Variants in ASTN2 observed in about 807,000 individuals in gnomAD.
ASTN2 encodes astrotactin 2, also known as astrotactin-2.
ASTN2 carries 54 observed loss-of-function variants against 139.8 expected under a neutral mutation model. The ratio of observed to expected loss-of-function variants is 0.39; its 90% CI spans 0.31 to 0.48. The LOEUF is 0.48. Among genes scored for constraint, ASTN2 ranks in the 20% least tolerant of loss-of-function variants. ASTN2 has a pLI of 0.95. For synonymous variants in ASTN2, 756 were observed against 719.5 expected (o/e 1.05, Z -0.81); for missense variants, 1,565 against 1,725.1 (o/e 0.91, Z 1.64).
chr9:116,502,450 A>G (rs1401958978), intron 19 of ASTN2, among the ~76,000 whole-genome samples: 1 of 152,004 alleles, frequency 6.6e-6, no homozygotes, highest in Non-Finnish European at 1.5e-5. Flanking sequence ...GGAGAGAGAA[A>G]GAGAGAGACA....
chr9:116,937,211 A>G (rs1158016835), intron 10 of ASTN2, among the ~76,000 whole-genome samples: 5 of 152,128 alleles, frequency 3.3e-5, no homozygotes, highest in African/African-American at 4.8e-5. Flanking sequence ...TGCCTTCAGG[A>G]GAAAGACAGG....
At chr9:116,629,193 C>A (rs1856612019) in intron 17 of ASTN2, among the ~76,000 whole-genome samples, 2 of 146,928 alleles carry the variant, frequency 1.4e-5, no homozygotes, top group Non-Finnish European at 3.0e-5. Flanking sequence ...TCTCAGCTCA[C>A]TGCAAACTCC....
intron 19 of ASTN2, among the ~76,000 whole-genome samples, chr9:116,500,338 G>T (rs534028548): frequency 2.8e-4 from 43 of 152,214 alleles, no homozygotes; most frequent in Non-Finnish European, 5.1e-4. Context: ...TTTAGGGGAA[G>T]GTGAATCTCC....
intron 19 of ASTN2, among the ~76,000 whole-genome samples, chr9:116,492,085 CTTT>C (rs796673453): frequency 7.0e-6 from 1 of 143,154 alleles, no homozygotes; most frequent in Non-Finnish European, 1.5e-5. Flanking sequence ...GTTTTTCTCT[CTTT>C]TTTTTTTTTT....
intron 20 of ASTN2, among the ~76,000 whole-genome samples, chr9:116,460,365 C>T (rs1848449772): frequency 6.6e-6 from 1 of 152,038 alleles, no homozygotes; most frequent in Non-Finnish European, 1.5e-5. Flanking sequence ...AACATAAAAT[C>T]CACTGAATTG....
At chr9:117,265,207 A>G (rs927612375) in intron 2 of ASTN2, among the ~76,000 whole-genome samples, 3 of 152,206 alleles carry the variant, frequency 2.0e-5, no homozygotes, top group African/African-American at 7.2e-5. Flanking sequence ...GTTAGGAAAC[A>G]AGGCAGGGAA....
At chr9:117,290,191 T>C (rs1007963081) in intron 2 of ASTN2, among the ~76,000 whole-genome samples, 3 of 152,262 alleles carry the variant, frequency 2.0e-5, no homozygotes, top group Admixed American at 6.5e-5. Flanking sequence ...TTTCCTAACC[T>C]TGGGTATCTG....
At chr9:116,841,038 G>A (rs1832233894) in intron 11 of ASTN2, among the ~76,000 whole-genome samples, 1 of 139,646 alleles carries the variant, frequency 7.2e-6, no homozygotes, top group South Asian at 2.2e-4. Flanking sequence ...GCTGGGAGGT[G>A]GAGGTTGCAC....
chr9:117,027,250 T>C (rs1245929666), intron 6 of ASTN2, among the ~76,000 whole-genome samples: 1 of 152,210 alleles, frequency 6.6e-6, no homozygotes, highest in Admixed American at 6.5e-5. Flanking sequence ...TATTATTTCA[T>C]GCAGCTAGCA....
intron 6 of ASTN2, among the ~76,000 whole-genome samples, chr9:117,021,241 T>C (rs1837870030): frequency 6.6e-6 from 1 of 152,054 alleles, no homozygotes; most frequent in Non-Finnish European, 1.5e-5. Context: ...ACATAGAAAA[T>C]AGGTTGGGTT....
At chr9:116,639,501 C>A (rs114355890) in intron 17 of ASTN2, among the ~76,000 whole-genome samples, 50 of 152,210 alleles carry the variant, frequency 3.3e-4, no homozygotes, top group African/African-American at 1.1e-3. Context: ...TTTGTGAATT[C>A]TCTCCAGGCC....
At chr9:117,020,566 C>T (rs924026447) in intron 6 of ASTN2, among the ~76,000 whole-genome samples, 1 of 152,066 alleles carries the variant, frequency 6.6e-6, no homozygotes, top group African/African-American at 2.4e-5. Context: ...CTGGAAGTAG[C>T]CTGTCCTTCC....
At chr9:116,508,035 T>TA (rs2119169706) in intron 19 of ASTN2, among the ~76,000 whole-genome samples, 1 of 152,108 alleles carries the variant, frequency 6.6e-6, no homozygotes, top group East Asian at 1.9e-4. Context: ...GTTAAAGGCA[T>TA]ATGCCACCAT....
At chr9:116,626,591 C>A (rs1856475095) in intron 17 of ASTN2, among the ~76,000 whole-genome samples, 1 of 151,798 alleles carries the variant, frequency 6.6e-6, no homozygotes, top group Non-Finnish European at 1.5e-5. Context: ...GAGGTAGAGT[C>A]CCTTTTGGAG....
At chr9:116,639,819 C>T (rs1240664743) in intron 17 of ASTN2, among the ~76,000 whole-genome samples, 1 of 152,202 alleles carries the variant, frequency 6.6e-6, no homozygotes, top group Non-Finnish European at 1.5e-5. Flanking sequence ...TGAAGATAAA[C>T]AGTGCTACCT....
intron 1 of ASTN2, among the ~76,000 whole-genome samples, chr9:117,358,474 T>C (rs1217041743): frequency 6.6e-6 from 1 of 152,094 alleles, no homozygotes; most frequent in African/African-American, 2.4e-5. Flanking sequence ...GATAGCACAA[T>C]GAGAAATCCC....
chr9:117,368,272 CACATGCGCACACATGT>C (rs1829899847), intron 1 of ASTN2, among the ~76,000 whole-genome samples: 1 of 151,846 alleles, frequency 6.6e-6, no homozygotes, highest in South Asian at 2.1e-4. Flanking sequence ...GGTGTGCATG[CACATGCGCACACATGT>C]GCATGCACAC....
intron 3 of ASTN2, among the ~76,000 whole-genome samples, chr9:117,152,050 C>T (rs958780078): frequency 1.3e-5 from 2 of 152,084 alleles, no homozygotes; most frequent in Non-Finnish European, 1.5e-5. Context: ...TCCTTAAATT[C>T]TTTAAGCCTC....
chr9:117,363,002 T>C (rs1421114040), intron 1 of ASTN2, among the ~76,000 whole-genome samples: 1 of 152,170 alleles, frequency 6.6e-6, no homozygotes, highest in Non-Finnish European at 1.5e-5. Context: ...AGTTTCAATA[T>C]CCAAACCAAA....
Sources: gnomAD v4.1 joint callset for allele counts (sites outside exome capture counted in the v4.1 genomes callset) on GRCh38, gnomAD v4.1.1 for gene constraint, MANE v1.5 for transcripts, NCBI Gene and HGNC (gene_info 2026-07-23, HGNC 2026-07-21) for gene names.